SLCO1B3: variants seen among roughly 807,000 people sequenced by gnomAD.
SLCO1B3 encodes liver-specific organic anion transporter 2.
In SLCO1B3, 72 loss-of-function variants were observed where a neutral mutation model predicts 71.8. The observed-to-expected ratio is 1.00, with a 90% confidence interval of 0.83 to 1.22. The LOEUF (loss-of-function observed/expected upper bound fraction) is 1.22, where lower values mean the gene tolerates loss of function less well. SLCO1B3 is among the 50% of genes most tolerant of loss of function. The pLI is 0.00. For synonymous variants in SLCO1B3, 298 were observed against 278.4 expected (o/e 1.07, Z -0.70); for missense variants, 911 against 819.7 (o/e 1.11, Z -1.36).
intron 15 of SLCO1B3, among the ~76,000 whole-genome samples, chr12:20,904,850 C>T (rs556850663): frequency 4.9e-5 from 7 of 143,874 alleles, no homozygotes; most frequent in South Asian, 2.3e-4. Flanking sequence ...CTCAGCTTCC[C>T]GTAACCACCG....
intron 3 of SLCO1B3, among the ~76,000 whole-genome samples, chr12:20,846,648 A>G (rs530871190): frequency 1.3e-5 from 2 of 152,326 alleles, no homozygotes; most frequent in South Asian, 4.1e-4. Context: ...ATCCATGGAT[A>G]CTTGTGAGGA....
At chr12:20,884,035 A>C (rs1449147969) in intron 13 of SLCO1B3, among the ~76,000 whole-genome samples, 2 of 152,220 alleles carry the variant, frequency 1.3e-5, no homozygotes, top group African/African-American at 4.8e-5. Context: ...TAATGCTTTC[A>C]ATTCACCCAC....
In SLCO1B3 at chr12:20,812,691, C is replaced by T. The variant is rs146455035; in HGVS notation, c.-180-833C>T. ...ATCTTTGAATGATTCCAAGAATGGA[C>T]ATGATATGCATAGGAAAGAAAGCAA... On this transcript the variant is annotated intron_variant, in intron 1 of 15. Coordinates refer to ENST00000381545, the MANE Select transcript of SLCO1B3 (RefSeq NM_019844.4). Among the ~76,000 whole-genome samples, 29 of 152,224 alleles carry T rather than the reference C, an allele frequency of 1.9e-4. No individual in the cohort carries two copies. In the East Asian group the frequency reaches 5.6e-3, roughly 29 times the overall value.
At chr12:20,849,711 TCACACACACACACACA>T (rs146186543) in intron 3 of SLCO1B3, among the ~76,000 whole-genome samples, 9,380 of 126,338 alleles carry the variant, frequency 0.074, 373 homozygotes, top group East Asian at 0.21. Context: ...TAGTAGAAAA[TCACACACACACACACA>T]CACACACACA....
intron 3 of SLCO1B3, among the ~76,000 whole-genome samples, chr12:20,850,791 G>A (rs1865013929): frequency 6.6e-6 from 1 of 152,120 alleles, no homozygotes; most frequent in African/African-American, 2.4e-5. Context: ...GTTTGCTTAG[G>A]ATAATGGCCA....
chr12:20,824,088 G>T (rs1864373498), intron 3 of SLCO1B3, among the ~76,000 whole-genome samples: 1 of 152,162 alleles, frequency 6.6e-6, no homozygotes, highest in Non-Finnish European at 1.5e-5. Flanking sequence ...GGAGAAATTA[G>T]GTTGAGAGAA....
chr12:20,869,234 G>A (rs977286501), intron 8 of SLCO1B3, among the ~76,000 whole-genome samples: 10 of 152,154 alleles, frequency 6.6e-5, no homozygotes, highest in African/African-American at 9.7e-5. Context: ...GGCAATGGGC[G>A]TCTTCCCAGA....
At chr12:20,820,951 CTG>C (rs1390503850) in intron 3 of SLCO1B3, among the ~76,000 whole-genome samples, 4 of 151,910 alleles carry the variant, frequency 2.6e-5, no homozygotes, top group African/African-American at 9.7e-5. Context: ...TGGAACAAAA[CTG>C]TAAGCCGGAT....
chr12:20,860,717 A>T (rs1019492699), intron 5 of SLCO1B3, among the ~76,000 whole-genome samples: 12 of 152,064 alleles, frequency 7.9e-5, no homozygotes, highest in African/African-American at 2.9e-4. Context: ...AGATAAAAAA[A>T]CAACAGGTGA....
At chr12:20,905,460 G>A (rs986353624) in intron 15 of SLCO1B3, among the ~76,000 whole-genome samples, 16 of 152,206 alleles carry the variant, frequency 1.1e-4, no homozygotes, top group African/African-American at 3.9e-4. Flanking sequence ...GTAAGTTCCA[G>A]TTTCAGATAA....
rs750320596 is a variant in SLCO1B3 at position 20,862,709 on chromosome 12, A to C, written c.629-47A>C. On this transcript the variant is annotated intron_variant, in intron 7 of 15. Coordinates refer to ENST00000381545, the MANE Select transcript of SLCO1B3 (RefSeq NM_019844.4). ...ACTTTTAAAAGCATGTTAAATGAAA[A>C]CCAAGTATTTGTGACATCTGATTAA... The C allele has an allele frequency of 8.6e-6, 13 of 1,513,146 alleles. No individual in the cohort carries two copies. In the African/African-American group the frequency reaches 1.5e-4, roughly 18 times the overall value. 93.7% of individuals were successfully genotyped at this position (1,513,146 alleles called of 1,614,324 possible).
At chr12:20,810,989 T>C (rs549187416) in intron 1 of SLCO1B3, among the ~76,000 whole-genome samples, 1 of 152,282 alleles carries the variant, frequency 6.6e-6, no homozygotes, top group South Asian at 2.1e-4. Flanking sequence ...ATCATACCTT[T>C]ATAAAGTGAA....
At chr12:20,870,897 G>C (rs143929692) in intron 8 of SLCO1B3, among the ~76,000 whole-genome samples, 1 of 152,062 alleles carries the variant, frequency 6.6e-6, no homozygotes. Context: ...TATTATGAAG[G>C]GATGTTGAAT....
At chr12:20,822,339 G>A (rs1002002604) in intron 3 of SLCO1B3, among the ~76,000 whole-genome samples, 2 of 152,066 alleles carry the variant, frequency 1.3e-5, no homozygotes, top group African/African-American at 4.8e-5. Context: ...GGAAGGTAAA[G>A]GAAAATTACA....
At chr12:20,849,800 T>A (rs1007458118) in intron 3 of SLCO1B3, among the ~76,000 whole-genome samples, 10 of 149,726 alleles carry the variant, frequency 6.7e-5, no homozygotes, top group African/African-American at 2.5e-4. Flanking sequence ...ATTAAAGGAG[T>A]AAATCCATTT....
At chr12:20,913,132 G>A (rs1866418633) in intron 15 of SLCO1B3, among the ~76,000 whole-genome samples, 1 of 152,094 alleles carries the variant, frequency 6.6e-6, no homozygotes, top group African/African-American at 2.4e-5. Context: ...GTTCAACTAT[G>A]TCTGATTGAA....
chr12:20,861,949 AAT>A (rs758103108), intron 6 of SLCO1B3, among the ~76,000 whole-genome samples: 1,545 of 133,574 alleles, frequency 0.012, 21 homozygotes, highest in Middle Eastern at 0.048. Context: ...AATAAAAAAA[AAT>A]ATTTTGTAAC....
intron 3 of SLCO1B3, among the ~76,000 whole-genome samples, chr12:20,843,383 C>T (rs1384959706): frequency 6.6e-6 from 1 of 152,080 alleles, no homozygotes; most frequent in Non-Finnish European, 1.5e-5. Context: ...TCTTTACATG[C>T]CACACTTTTG....
At chr12:20,854,795 T>G (rs1297643795) in intron 3 of SLCO1B3, among the ~76,000 whole-genome samples, 1 of 152,180 alleles carries the variant, frequency 6.6e-6, no homozygotes, top group East Asian at 1.9e-4. Context: ...CAACCTTAAC[T>G]ATACTCCTCT....
Sources: gnomAD v4.1 joint callset for allele counts (sites outside exome capture counted in the v4.1 genomes callset) on GRCh38, gnomAD v4.1.1 for gene constraint, MANE v1.5 for transcripts, NCBI Gene and HGNC (gene_info 2026-07-23, HGNC 2026-07-21) for gene names.